The following KIF1B variants were observed in gnomAD, a reference collection of about 807,000 sequenced individuals.
KIF1B encodes the protein kinesin family member 1B.
A neutral mutation model predicts 241.9 loss-of-function variants in KIF1B; 76 were observed. The observed-to-expected ratio is 0.31, with a 90% CI of 0.26 to 0.38. The LOEUF (loss-of-function observed/expected upper bound fraction) is 0.38. Among genes scored for constraint, KIF1B ranks in the 10% least tolerant of loss-of-function variants. The pLI, the probability that KIF1B is intolerant of heterozygous loss-of-function variation, is 1.00. For missense variants in KIF1B, 1,622 were observed against 2,271.4 expected (o/e 0.71, Z 5.81); for synonymous variants, 750 against 796.7 (o/e 0.94, Z 0.99).
chr1:10,262,740 G>A (rs75247872), intron 5 of KIF1B, among the ~76,000 whole-genome samples: 2,607 of 152,176 alleles, frequency 0.017, 84 homozygotes, highest in African/African-American at 0.059. Context: ...GCATATGCCT[G>A]TTTACATTTT....
rs146752155 is a variant in KIF1B, at chr1:10,335,132, G to T, written c.3043+494G>T. On this transcript the variant is annotated intron_variant, in intron 28 of 48. Coordinates refer to ENST00000676179, the MANE Select transcript of KIF1B (RefSeq NM_001365951.3). ...TAAGTTTATAAATTTTATAGAGTTG[G>T]GGTCTCATTATGCTGCCCAGCATAG... Among the ~76,000 whole-genome samples, 649 of 152,158 alleles carry T rather than the reference G, an allele frequency of 4.3e-3. 8 individuals are homozygous for T. The highest frequency in any genetic ancestry group is 0.024 in the Middle Eastern group (7 of 294).
intron 1 of KIF1B, among the ~76,000 whole-genome samples, chr1:10,220,466 C>G (rs545458349): frequency 1.3e-5 from 2 of 152,030 alleles, no homozygotes; most frequent in Non-Finnish European, 1.5e-5. Flanking sequence ...TCAACAGCTT[C>G]TTTAAGTAAA....
intron 34 of KIF1B, 52 bp downstream of exon 34, chr1:10,343,339 T>A (rs1488747935): frequency 1.3e-6 from 2 of 1,533,536 alleles, no homozygotes; most frequent in Non-Finnish European, 1.8e-6. Flanking sequence ...AATACATGTC[T>A]TATTCTGAAT....
intron 2 of KIF1B, among the ~76,000 whole-genome samples, chr1:10,241,196 C>T (rs1647132269): frequency 1.3e-5 from 2 of 152,118 alleles, no homozygotes; most frequent in South Asian, 4.1e-4. Context: ...ACTGCAGCCT[C>T]AACCTCCTGG....
At chr1:10,357,901 T>C (rs1291812057) in intron 38 of KIF1B, among the ~76,000 whole-genome samples, 2 of 150,864 alleles carry the variant, frequency 1.3e-5, no homozygotes, top group South Asian at 4.2e-4. Flanking sequence ...CCCAGCTACT[T>C]GGGAGGCTGA....
chr1:10,292,964 T>G (rs1423048551), intron 17 of KIF1B, among the ~76,000 whole-genome samples: 1 of 152,220 alleles, frequency 6.6e-6, no homozygotes, highest in Non-Finnish European at 1.5e-5. Context: ...CTGTTGATGA[T>G]CTCTCTAAGT....
chr1:10,379,657 A>G lies in KIF1B; in HGVS notation c.*3070A>G, dbSNP rs182765377. 4.3e-5 allele frequency: 10 copies of G among 231,622 alleles called. No homozygotes were observed. Among genetic ancestry groups the G allele is most frequent in the Non-Finnish European group, 3.4e-5 (4 of 117,030 alleles). The allele number at this position is 231,622 out of a possible 1,614,324, so 14.3% of individuals were successfully genotyped here. On this transcript the variant is annotated 3_prime_UTR_variant, in exon 49 of 49. Transcript: ENST00000676179. ...AAGCAAAAACTTTAAAAGGCAGGAA[A>G]GAGAATTCTTAGGCAAATTCAGAGA...
chr1:10,297,109 T>G, intron 21 of KIF1B, 32 bp downstream of exon 21: 1 of 1,613,624 alleles, frequency 6.2e-7, no homozygotes, highest in South Asian at 1.1e-5. Flanking sequence ...CATATGACTG[T>G]TTCTTCTTTT....
chr1:10,262,221 C>A (rs1648191948), intron 5 of KIF1B, among the ~76,000 whole-genome samples: 1 of 152,150 alleles, frequency 6.6e-6, no homozygotes. Context: ...GTGATCACAG[C>A]TCACTGCAGC....
Position 10,377,159 on chromosome 1 carries a change from T to C in KIF1B, c.*572T>C, listed in dbSNP as rs1270757260. 1 of 240,448 alleles carries C rather than the reference T, an allele frequency of 4.2e-6. No individual in the cohort carries two copies. The highest frequency in any genetic ancestry group is 2.2e-5 in the African/African-American group (1 of 45,294). The allele number at this position is 240,448 out of a possible 1,614,324, so 14.9% of individuals were successfully genotyped here. ...AGTCTTTTTTTCCCCTCTGTCTCTT[T>C]TTGCCATGGCTAATCCCTGCATTTC... On this transcript the variant is annotated 3_prime_UTR_variant, in exon 49 of 49. Transcript: ENST00000676179.
intron 2 of KIF1B, among the ~76,000 whole-genome samples, chr1:10,254,457 T>G (rs1269999619): frequency 6.6e-6 from 1 of 152,122 alleles, no homozygotes; most frequent in Non-Finnish European, 1.5e-5. Context: ...TATACTACAT[T>G]ACATAAATAC....
chr1:10,272,715 GTTT>G (rs200198962), intron 9 of KIF1B, among the ~76,000 whole-genome samples: 11 of 134,628 alleles, frequency 8.2e-5, no homozygotes, highest in East Asian at 2.2e-4. Flanking sequence ...AGGGCCAGTA[GTTT>G]TTTTTTTTTT....
Position 10,258,488 on chromosome 1 carries a change from T to C in KIF1B, c.184-5T>C, listed in dbSNP as rs767210065. ...GTTATTTATTTCTCCTTTTACTCTTTACAGCCCGAAGATCCCTGTTTTGCA... is the reference window on the plus strand; with the variant it reads ...GTTATTTATTTCTCCTTTTACTCTTCACAGCCCGAAGATCCCTGTTTTGCA... On this transcript the variant is annotated splice_region_variant and splice_polypyrimidine_tract_variant and intron_variant, in intron 3 of 48. Coordinates refer to ENST00000676179, the MANE Select transcript of KIF1B (RefSeq NM_001365951.3). 6.2e-7 allele frequency: 1 copy of C among 1,607,594 alleles called. No individual in the cohort carries two copies. Among genetic ancestry groups the C allele is most frequent in the African/African-American group, 1.3e-5 (1 of 74,664 alleles).
At chr1:10,298,986 T>A (rs1254548500) in intron 22 of KIF1B, 3 of 149,830 alleles carry the variant, frequency 2.0e-5, no homozygotes, top group Non-Finnish European at 4.4e-5. Flanking sequence ...CGGCAGCACA[T>A]ATACTAAAAT....
In KIF1B at chr1:10,267,442, T is replaced by A; in HGVS notation, c.492T>A (p.Gly164=). The change falls in exon 6 of 49, where the codon GGT becomes GGA. Residue 164 remains glycine, a synonymous_variant. Coordinates refer to ENST00000676179, the MANE Select transcript of KIF1B (RefSeq NM_001365951.3). The part of the protein sequence containing the change: ...VRDLLNPKNK[G]NLRVREHPLL... ...ATTTGCTGAATCCAAAAAACAAGGG[T>A]AATTTGCGTGTGCGTGAACACCCAC... The A allele has an allele frequency of 6.2e-7, 1 of 1,614,052 alleles. No individual in the cohort carries two copies. The highest frequency in any genetic ancestry group is 8.5e-7 in the Non-Finnish European group (1 of 1,179,982).
At chr1:10,262,624 C>T (rs1267180559) in intron 5 of KIF1B, among the ~76,000 whole-genome samples, 1 of 152,140 alleles carries the variant, frequency 6.6e-6, no homozygotes, top group Admixed American at 6.6e-5. Context: ...CCCTTGCCAA[C>T]ATTTTTCTAT....
chr1:10,282,046 C>T (rs944877738), intron 14 of KIF1B, among the ~76,000 whole-genome samples: 1 of 152,154 alleles, frequency 6.6e-6, no homozygotes, highest in African/African-American at 2.4e-5. Flanking sequence ...TCTGGTTTAT[C>T]CCCCTGCGAG....
At position 10,323,962 on chromosome 1, in the gene KIF1B, A is replaced by G. The variant is rs911237861; in HGVS notation, c.2437A>G (p.Lys813Glu). 47 of 1,614,086 alleles carry G rather than the reference A, an allele frequency of 2.9e-5. No individual in the cohort carries two copies. The highest frequency in any genetic ancestry group is 3.6e-5 in the Non-Finnish European group (42 of 1,180,020). ...TGAATTACTTCCCACTGAGATGGAA[A>G]AAACTCATGAGGACAGGCCTTTCCC... Reference protein sequence around the residue: ...PPELLPTEMEKTHEDRPFPRT... With the variant: ...PPELLPTEMEETHEDRPFPRT... The change falls in exon 25 of 49, where the codon AAA becomes GAA. Residue 813 changes from lysine (K) to glutamate (E), a missense_variant. By Grantham distance (56) the Lys-to-Glu change is moderately conservative. Transcript: ENST00000676179.
intron 22 of KIF1B, chr1:10,305,379 T>C: frequency 9.5e-7 from 1 of 1,052,676 alleles, no homozygotes; most frequent in Non-Finnish European, 1.1e-6. Context: ...CTGTTTGTGG[T>C]TTGCATTTTG....
Sources: allele counts gnomAD v4.1 joint callset (sites outside exome capture counted in the v4.1 genomes callset), GRCh38; gene constraint gnomAD v4.1.1; transcripts MANE v1.5; gene names NCBI Gene and HGNC (gene_info 2026-07-23, HGNC 2026-07-21).